Variants in ATP8A2 observed in about 807,000 individuals in gnomAD.
The protein encoded by ATP8A2 is ATPase phospholipid transporting 8A2.
ATP8A2 carries 100 observed loss-of-function variants against 165.6 expected under a neutral mutation model. The observed-to-expected ratio is 0.60, with a 90% CI of 0.51 to 0.71. The LOEUF (loss-of-function observed/expected upper bound fraction) is 0.71, where lower values mean the gene tolerates loss of function less well. ATP8A2 is among the 30% of genes least tolerant of loss of function. The probability of loss-of-function intolerance (pLI) is 0.00; values close to 1 mark genes in which losing one functional copy is unlikely to be tolerated. For synonymous variants in ATP8A2, 543 were observed against 548.8 expected (o/e 0.99, Z 0.15); for missense variants, 1,227 against 1,479.5 (o/e 0.83, Z 2.80).
intron 25 of ATP8A2, among the ~76,000 whole-genome samples, chr13:25,710,406 C>T (rs1459735039): frequency 6.6e-6 from 1 of 152,166 alleles, no homozygotes; most frequent in Non-Finnish European, 1.5e-5. Flanking sequence ...TTAGCCAACC[C>T]CTCTGTATCT....
chr13:25,872,654 C>T (rs944457278), intron 33 of ATP8A2, among the ~76,000 whole-genome samples: 4 of 152,108 alleles, frequency 2.6e-5, no homozygotes, highest in African/African-American at 7.2e-5. Flanking sequence ...CTTTTCTAAG[C>T]GAGGCCTCTT....
intron 33 of ATP8A2, among the ~76,000 whole-genome samples, chr13:25,904,449 G>A (rs1006530338): frequency 6.6e-6 from 1 of 152,124 alleles, no homozygotes; most frequent in Admixed American, 6.5e-5. Context: ...TCACAAACCC[G>A]CACCCGTTGC....
At chr13:25,767,833 C>G (rs184968352) in intron 25 of ATP8A2, among the ~76,000 whole-genome samples, 196 of 152,224 alleles carry the variant, frequency 1.3e-3, no homozygotes, top group Middle Eastern at 6.8e-3. Context: ...TTTGCTGTCT[C>G]GCCAAATGCA....
intron 24 of ATP8A2, among the ~76,000 whole-genome samples, chr13:25,654,336 G>A (rs1323622722): frequency 6.6e-6 from 1 of 152,122 alleles, no homozygotes; most frequent in Admixed American, 6.6e-5. Flanking sequence ...CTCCCGAGTG[G>A]CTGGGACCAC....
chr13:25,467,577 G>C lies in ATP8A2; in HGVS notation c.77-1400G>C, dbSNP rs2035703488. Among the ~76,000 whole-genome samples the C allele has an allele frequency of 2.0e-5, 3 of 147,738 alleles. No individual in the cohort carries two copies. The South Asian group carries it at 6.4e-4, about 31-fold the overall frequency. On this transcript the variant is annotated intron_variant, in intron 1 of 36. Coordinates refer to ENST00000381655, the MANE Select transcript of ATP8A2 (RefSeq NM_016529.6). ...GTCAGTTTTTTTTTTTTTTTGAGAC[G>C]AGTCTCCTTGTCGCCCAGGCTGGAG... is the stretch of plus-strand genomic sequence containing the variant.
At chr13:25,592,677 C>T (rs2040121004) in intron 24 of ATP8A2, among the ~76,000 whole-genome samples, 1 of 152,184 alleles carries the variant, frequency 6.6e-6, no homozygotes, top group African/African-American at 2.4e-5. Flanking sequence ...AAAAAAGCCT[C>T]CTTTTTCTGG....
intron 12 of ATP8A2, among the ~76,000 whole-genome samples, chr13:25,554,157 A>G (rs1020438640): frequency 6.6e-6 from 1 of 152,154 alleles, no homozygotes; most frequent in African/African-American, 2.4e-5. Flanking sequence ...ATGGGGTGGA[A>G]TGCTGAGCCA....
intron 35 of ATP8A2, among the ~76,000 whole-genome samples, chr13:25,998,181 C>T (rs550198506): frequency 2.0e-5 from 3 of 152,124 alleles, no homozygotes; most frequent in African/African-American, 7.2e-5. Flanking sequence ...CTGACATCAC[C>T]CAGTGAAGAG....
intron 33 of ATP8A2, among the ~76,000 whole-genome samples, chr13:25,880,313 T>A (rs1027510355): frequency 1.3e-5 from 2 of 150,976 alleles, no homozygotes; most frequent in African/African-American, 4.9e-5. Context: ...AGTAGCCACA[T>A]GTCCCATCAG....
intron 27 of ATP8A2, among the ~76,000 whole-genome samples, chr13:25,778,803 A>G (rs2044801581): frequency 1.3e-5 from 2 of 152,240 alleles, no homozygotes; most frequent in South Asian, 2.1e-4. Flanking sequence ...CTGCCACTGT[A>G]TCCTCCTTAC....
At chr13:25,882,319 G>T (rs1291076126) in intron 33 of ATP8A2, among the ~76,000 whole-genome samples, 1 of 152,222 alleles carries the variant, frequency 6.6e-6, no homozygotes, top group Non-Finnish European at 1.5e-5. Context: ...TATTTGAAAA[G>T]ATTAAGCTTA....
chr13:25,589,374 C>G (rs1260793931), intron 23 of ATP8A2, among the ~76,000 whole-genome samples: 1 of 152,104 alleles, frequency 6.6e-6, no homozygotes, highest in Non-Finnish European at 1.5e-5. Context: ...TAATGTTATA[C>G]AAGGATAACA....
At chr13:25,894,794 C>G (rs1448928043) in intron 33 of ATP8A2, among the ~76,000 whole-genome samples, 1 of 152,128 alleles carries the variant, frequency 6.6e-6, no homozygotes, top group Non-Finnish European at 1.5e-5. Context: ...CTCTTCGAAG[C>G]AATTGTGAAT....
intron 24 of ATP8A2, among the ~76,000 whole-genome samples, chr13:25,669,614 C>T (rs1452418802): frequency 1.3e-5 from 2 of 152,186 alleles, no homozygotes; most frequent in Admixed American, 1.3e-4. Context: ...ACAGCGTATA[C>T]ATTTTTTATT....
At chr13:25,748,651 G>T (rs2044088361) in intron 25 of ATP8A2, among the ~76,000 whole-genome samples, 1 of 152,168 alleles carries the variant, frequency 6.6e-6, no homozygotes, top group Admixed American at 6.5e-5. Flanking sequence ...TTACTGCTCT[G>T]CTGGGCATTA....
chr13:25,984,420 G>A lies in ATP8A2; in HGVS notation c.3377+15741G>A, dbSNP rs140618668. On this transcript the variant is annotated intron_variant, in intron 35 of 36. Coordinates refer to ENST00000381655, the MANE Select transcript of ATP8A2 (RefSeq NM_016529.6). ...GGAGTTCGAGACCAGCCTGGCCAAC[G>A]TGGTGAAACCCCACCTCTACTAAAA... Among the ~76,000 whole-genome samples, 988 of 151,476 alleles carry A rather than the reference G, an allele frequency of 6.5e-3. 6 individuals are homozygous for A. Among genetic ancestry groups the A allele is most frequent in the Middle Eastern group, 0.027 (8 of 294 alleles).
At chr13:25,380,287 TGTC>T (rs1482526827) in intron 1 of ATP8A2, among the ~76,000 whole-genome samples, 1 of 152,182 alleles carries the variant, frequency 6.6e-6, no homozygotes, top group African/African-American at 2.4e-5. Context: ...GTCTAATATT[TGTC>T]CTTTAGAGAG....
In ATP8A2 at chr13:25,380,549, T is replaced by C. The variant is rs544540409; in HGVS notation, c.76+8261T>C. Among the ~76,000 whole-genome samples the C allele has an allele frequency of 2.0e-5, 3 of 152,300 alleles. No homozygotes were observed. The East Asian group carries it at 5.8e-4, about 29-fold the overall frequency. On this transcript the variant is annotated intron_variant, in intron 1 of 36. Coordinates refer to ENST00000381655, the MANE Select transcript of ATP8A2 (RefSeq NM_016529.6). The stretch of plus-strand genomic sequence containing the variant: ...CTGTTTATTATATATCGAAATAATA[T>C]TTTGGATATGTGAGATTAAATAAAA...
chr13:25,621,603 T>C (rs2040970829), intron 24 of ATP8A2, among the ~76,000 whole-genome samples: 1 of 152,118 alleles, frequency 6.6e-6, no homozygotes, highest in South Asian at 2.1e-4. Flanking sequence ...ATTTACCAAA[T>C]CCAGTCCTGA....
Sources: gnomAD v4.1 joint callset for allele counts (sites outside exome capture counted in the v4.1 genomes callset) on GRCh38, gnomAD v4.1.1 for gene constraint, MANE v1.5 for transcripts, NCBI Gene and HGNC (gene_info 2026-07-23, HGNC 2026-07-21) for gene names.